Variants in FAM107B observed in about 807,000 individuals in gnomAD.
FAM107B encodes family with sequence similarity 107 member B.
A neutral mutation model predicts 31.5 loss-of-function variants in FAM107B; 21 were observed. The ratio of observed to expected loss-of-function variants is 0.67; its 90% confidence interval spans 0.47 to 0.96. The LOEUF (loss-of-function observed/expected upper bound fraction) is 0.96, where lower values mean the gene tolerates loss of function less well. FAM107B is among the 40% of genes least tolerant of loss of function. The probability of loss-of-function intolerance (pLI) is 0.00; values close to 1 mark genes in which losing one functional copy is unlikely to be tolerated. For missense variants in FAM107B, 452 were observed against 377.1 expected (o/e 1.20, Z -1.64); for synonymous variants, 157 against 141.5 (o/e 1.11, Z -0.78).
At chr10:14,732,140 A>T (rs1869227) in intron 1 of FAM107B, among the ~76,000 whole-genome samples, 70,748 of 151,902 alleles carry the variant, frequency 0.47, 18,269 homozygotes, top group African/African-American at 0.71. Context: ...GACCTAACTC[A>T]AACTACTCTC....
At chr10:14,574,232 T>C (rs1465792321) in intron 2 of FAM107B, among the ~76,000 whole-genome samples, 1 of 152,216 alleles carries the variant, frequency 6.6e-6, no homozygotes, top group South Asian at 2.1e-4. Context: ...TATTCCCAAC[T>C]GAATCTGTAA....
intron 1 of FAM107B, among the ~76,000 whole-genome samples, chr10:14,725,511 G>A (rs1253513714): frequency 6.6e-6 from 1 of 152,126 alleles, no homozygotes; most frequent in Non-Finnish European, 1.5e-5. Context: ...CCAAGATTAA[G>A]GCTCTGGCAG....
chr10:14,543,711 C>T (rs59934692), intron 2 of FAM107B, among the ~76,000 whole-genome samples: 1 of 143,474 alleles, frequency 7.0e-6, no homozygotes, highest in African/African-American at 2.6e-5. Flanking sequence ...AAAAAAAAAC[C>T]AAAAACTCTC....
intron 1 of FAM107B, among the ~76,000 whole-genome samples, chr10:14,680,635 G>A (rs796573678): frequency 1.3e-5 from 2 of 151,370 alleles, no homozygotes; most frequent in South Asian, 4.2e-4. Context: ...CTCCTGCAAG[G>A]ATTCCTCATC....
intron 2 of FAM107B, among the ~76,000 whole-genome samples, chr10:14,632,628 A>G (rs952721078): frequency 6.8e-6 from 1 of 148,146 alleles, no homozygotes; most frequent in African/African-American, 2.5e-5. Context: ...AAAAAAAAAA[A>G]GAGAATTCAG....
chr10:14,567,338 G>A (rs1240950271), intron 2 of FAM107B, among the ~76,000 whole-genome samples: 1 of 152,134 alleles, frequency 6.6e-6, no homozygotes, highest in Non-Finnish European at 1.5e-5. Flanking sequence ...AATGGCCTTC[G>A]CACGACTGTC....
intron 1 of FAM107B, among the ~76,000 whole-genome samples, chr10:14,706,012 A>G (rs1483181049): frequency 1.3e-5 from 2 of 152,180 alleles, no homozygotes; most frequent in Non-Finnish European, 2.9e-5. Flanking sequence ...AATAGGAGCT[A>G]TCAGGCAAAT....
At chr10:14,618,268 C>A (rs899903450) in intron 2 of FAM107B, among the ~76,000 whole-genome samples, 1 of 152,128 alleles carries the variant, frequency 6.6e-6, no homozygotes, top group Non-Finnish European at 1.5e-5. Flanking sequence ...AAGTGGTATT[C>A]CATTGTATTG....
At chr10:14,530,630 C>G in intron 2 of FAM107B, 115 bp from the exon 3 acceptor site, 3 of 927,270 alleles carry the variant, frequency 3.2e-6, no homozygotes, top group Middle Eastern at 2.2e-4. Context: ...CCTCCTGAGT[C>G]CACTCTGGGG....
intron 2 of FAM107B, among the ~76,000 whole-genome samples, chr10:14,648,665 C>T (rs1370668948): frequency 2.6e-5 from 4 of 152,162 alleles, no homozygotes; most frequent in African/African-American, 4.8e-5. Flanking sequence ...CCAGGTGCGT[C>T]GGTGGCAAAC....
chr10:14,723,953 C>A (rs561258858), intron 1 of FAM107B: 8 of 749,228 alleles, frequency 1.1e-5, no homozygotes, highest in Non-Finnish European at 1.7e-5. Flanking sequence ...ATGTGCTGTT[C>A]CATTTGGAAG....
intron 2 of FAM107B, among the ~76,000 whole-genome samples, chr10:14,532,015 C>T (rs1245471284): frequency 6.6e-6 from 1 of 152,204 alleles, no homozygotes; most frequent in East Asian, 1.9e-4. Context: ...CTTGTTGTTT[C>T]ACTTGTTGGT....
intron 2 of FAM107B, among the ~76,000 whole-genome samples, chr10:14,604,755 A>G (rs753230732): frequency 7.6e-6 from 1 of 131,562 alleles, no homozygotes; most frequent in African/African-American, 2.8e-5. Context: ...CTCTCCCTCT[A>G]CCTCTCTGTC....
chr10:14,644,577 GT>G (rs1179889918), intron 2 of FAM107B, among the ~76,000 whole-genome samples: 1 of 152,146 alleles, frequency 6.6e-6, no homozygotes, highest in Non-Finnish European at 1.5e-5. Context: ...TATCATCTTG[GT>G]TTTGCTTCTC....
intron 2 of FAM107B, among the ~76,000 whole-genome samples, chr10:14,614,318 G>T (rs1852798697): frequency 6.6e-6 from 1 of 152,050 alleles, no homozygotes; most frequent in Non-Finnish European, 1.5e-5. Context: ...GAGAAACTGA[G>T]GCCTGTGCCC....
chr10:14,540,406 A>T (rs1269757749), intron 2 of FAM107B, among the ~76,000 whole-genome samples: 1 of 152,222 alleles, frequency 6.6e-6, no homozygotes, highest in East Asian at 1.9e-4. Flanking sequence ...TCCGCATGAC[A>T]GTCCACACCC....
chr10:14,640,323 G>A (rs1280246647), intron 2 of FAM107B, among the ~76,000 whole-genome samples: 1 of 152,214 alleles, frequency 6.6e-6, no homozygotes, highest in African/African-American at 2.4e-5. Flanking sequence ...GTGAGTGCCA[G>A]TGAAATGAAT....
At chr10:14,708,110 C>T (rs1855561830) in intron 1 of FAM107B, among the ~76,000 whole-genome samples, 1 of 151,804 alleles carries the variant, frequency 6.6e-6, no homozygotes, top group African/African-American at 2.4e-5. Context: ...TAGGGTCTCA[C>T]TCTGTTGCCC....
At chr10:14,720,831 A>AT (rs1564271878) in intron 1 of FAM107B, among the ~76,000 whole-genome samples, 1 of 151,938 alleles carries the variant, frequency 6.6e-6, no homozygotes, top group African/African-American at 2.4e-5. Flanking sequence ...TCAAAGGAAC[A>AT]TATTTTTTTT....
Sources: gnomAD v4.1 joint callset for allele counts (sites outside exome capture counted in the v4.1 genomes callset) on GRCh38, gnomAD v4.1.1 for gene constraint, MANE v1.5 for transcripts, NCBI Gene and HGNC (gene_info 2026-07-23, HGNC 2026-07-21) for gene names.